KIAA2012: variants seen among roughly 807,000 people sequenced by gnomAD.
The protein encoded by KIAA2012 is uncharacterized protein KIAA2012.
Under a neutral mutation model 150.6 loss-of-function variants are expected in KIAA2012, and 125 were observed. The ratio of observed to expected loss-of-function variants is 0.83; its 90% CI spans 0.72 to 0.96. The LOEUF (loss-of-function observed/expected upper bound fraction) is 0.96, where lower values mean the gene tolerates loss of function less well. Ranked by LOEUF, KIAA2012 falls within the 40% of genes least tolerant of loss-of-function variation. The probability of loss-of-function intolerance (pLI) is 0.00; values close to 1 mark genes in which losing one functional copy is unlikely to be tolerated. For missense variants in KIAA2012, 1,219 were observed against 1,354.9 expected, an observed-to-expected ratio of 0.90 and a Z score of 1.57; for synonymous variants, 462 against 504.7, an observed-to-expected ratio of 0.92 and a Z score of 1.13.
Position 202,093,128 on chromosome 2 carries a change from C to A in KIAA2012, c.628C>A (p.His210Asn), listed in dbSNP as rs1244758602. 2 of 1,550,984 alleles carry A rather than the reference C, an allele frequency of 1.3e-6. No homozygotes were observed. The highest frequency in any genetic ancestry group is 2.7e-5 in the African/African-American group (2 of 73,046). The change falls in exon 4 of 24, where the codon CAT becomes AAT. Residue 210 changes from histidine to asparagine, a missense_variant. His to Asn is a moderately conservative substitution (Grantham distance 68, BLOSUM62 1). Coordinates refer to ENST00000498697, the MANE Select transcript of KIAA2012 (RefSeq NM_001277372.4). ...QDLSGVPPKY[H>N]LLPVFPSFWI... ...TCTTTCAGGTGTACCCCCAAAATAC[C>A]ATCTCCTGCCTGTCTTCCCTTCATT...
rs561093569 is a variant in KIAA2012, at chr2:202,190,343, C to T, written c.2661C>T (p.Asp887=). 1.3e-6 allele frequency: 2 copies of T among 1,550,542 alleles called. No homozygotes were observed. The highest frequency in any genetic ancestry group is 1.7e-6 in the Non-Finnish European group (2 of 1,147,022). The change falls in exon 19 of 24, where the codon GAC becomes GAT. Residue 887 remains aspartate (D), a synonymous_variant. Transcript: ENST00000498697. ...DTSNRGSFAS[D]SFVEDPWLSP... ...CAAATAGAGGTTCCTTTGCCTCAGA[C>T]TCCTTTGTAGAGGACCCTTGGCTTT...
Position 202,104,245 on chromosome 2 carries a change from G to C in KIAA2012, c.1324+1131G>C, listed in dbSNP as rs1296290486. Among the ~76,000 whole-genome samples, 1 of 152,054 alleles carries C rather than the reference G, an allele frequency of 6.6e-6. No homozygotes were observed. Among genetic ancestry groups the C allele is most frequent in the African/African-American group, 2.4e-5 (1 of 41,388 alleles). On this transcript the variant is annotated intron_variant, in intron 8 of 23. Transcript: ENST00000498697. This position sits in a 1 kb window ranked among gnomAD's most constrained non-coding sequence, Gnocchi z 4.3. The stretch of plus-strand genomic sequence containing the variant: ...AGATCTGTGCGATTCACTCTATGTA[G>C]ATTTTACCTTGCCAAAAAAAATTAC...
chr2:202,074,010 G>A (rs955483439), intron 1 of KIAA2012, among the ~76,000 whole-genome samples: 5 of 151,930 alleles, frequency 3.3e-5, no homozygotes, highest in Non-Finnish European at 7.4e-5. Context: ...ATTTCCACCT[G>A]GGTTCTAGGC....
intron 17 of KIAA2012, among the ~76,000 whole-genome samples, chr2:202,187,356 G>C (rs1692249229): frequency 6.6e-6 from 1 of 152,026 alleles, no homozygotes; most frequent in South Asian, 2.1e-4. Flanking sequence ...CCAGGCTGGA[G>C]TGCAGTGGCG....
chr2:202,128,463 G>A (rs1690849673), intron 12 of KIAA2012, among the ~76,000 whole-genome samples: 1 of 151,224 alleles, frequency 6.6e-6, no homozygotes, highest in Admixed American at 6.6e-5. Flanking sequence ...GTAGAGATGG[G>A]GTTTCACCAT....
At chr2:202,119,259 G>A (rs959613866) in intron 11 of KIAA2012, among the ~76,000 whole-genome samples, 3 of 135,246 alleles carry the variant, frequency 2.2e-5, no homozygotes, top group African/African-American at 5.7e-5. Flanking sequence ...GCAACAGAGC[G>A]AGACTCCGTC....
chr2:202,133,128 A>ATT (rs1202818706), intron 12 of KIAA2012, among the ~76,000 whole-genome samples: 992 of 76,614 alleles, frequency 0.013, 69 homozygotes, highest in African/African-American at 0.051. Context: ...ATATATATAT[A>ATT]TATTTTTTTT....
At chr2:202,183,571 T>C (rs1430408382) in intron 15 of KIAA2012, among the ~76,000 whole-genome samples, 1 of 149,030 alleles carries the variant, frequency 6.7e-6, no homozygotes, top group African/African-American at 2.5e-5. Context: ...TGGTGCTATC[T>C]AAACTTACTG....
At chr2:202,100,481 G>A (rs751827829) in intron 7 of KIAA2012, 32 bp downstream of exon 7, 2 of 1,414,518 alleles carry the variant, frequency 1.4e-6, no homozygotes. Context: ...GTGCATACAG[G>A]AGAGAGAGAG....
intron 15 of KIAA2012, among the ~76,000 whole-genome samples, chr2:202,182,009 GACA>G (rs1434812952): frequency 6.6e-6 from 1 of 150,962 alleles, no homozygotes; most frequent in Non-Finnish European, 1.5e-5. Context: ...TTCATCCCCA[GACA>G]ACAACTGATG....
chr2:202,101,292 G>A (rs903815146), intron 7 of KIAA2012, among the ~76,000 whole-genome samples: 1 of 152,212 alleles, frequency 6.6e-6, no homozygotes, highest in African/African-American at 2.4e-5. Flanking sequence ...CAGTGAGGGA[G>A]GTTGTTTACA....
chr2:202,132,359 A>G (rs12611923), intron 12 of KIAA2012, among the ~76,000 whole-genome samples: 52,713 of 151,798 alleles, frequency 0.35, 9,413 homozygotes, highest in East Asian at 0.59. Context: ...TTGTTTGAGA[A>G]GAAGTGACCA....
At chr2:202,194,885 C>T (rs1692387246) in intron 21 of KIAA2012, among the ~76,000 whole-genome samples, 1 of 152,100 alleles carries the variant, frequency 6.6e-6, no homozygotes, top group South Asian at 2.1e-4. Context: ...TCTCCTGCCT[C>T]AGCCTTCCAA....
At chr2:202,204,341 T>A (rs897018201) in intron 23 of KIAA2012, among the ~76,000 whole-genome samples, 1 of 152,168 alleles carries the variant, frequency 6.6e-6, no homozygotes, top group African/African-American at 2.4e-5. Flanking sequence ...CCTTCCAAAG[T>A]GCTGGGGTTA....
At chr2:202,119,348 G>A (rs1490151121) in intron 11 of KIAA2012, among the ~76,000 whole-genome samples, 1 of 151,884 alleles carries the variant, frequency 6.6e-6, no homozygotes, top group African/African-American at 2.4e-5. Flanking sequence ...TCAATACAAA[G>A]TACTGAAGAA....
At chr2:202,160,069 CAGATG>C in intron 14 of KIAA2012, among the ~76,000 whole-genome samples, 1 of 152,224 alleles carries the variant, frequency 6.6e-6, no homozygotes, top group African/African-American at 2.4e-5. Flanking sequence ...CCCCACTGTG[CAGATG>C]AGGAAACCGA....
chr2:202,081,160 G>T (rs1689443669), intron 2 of KIAA2012, among the ~76,000 whole-genome samples: 1 of 152,194 alleles, frequency 6.6e-6, no homozygotes, highest in African/African-American at 2.4e-5. Flanking sequence ...ATGAATTCAT[G>T]TTGTAGCATG....
At chr2:202,183,424 A>G (rs1692160674) in intron 15 of KIAA2012, among the ~76,000 whole-genome samples, 1 of 151,020 alleles carries the variant, frequency 6.6e-6, no homozygotes, top group South Asian at 2.1e-4. Context: ...TGTCTCAAAA[A>G]AAAAAAAAAG....
chr2:202,132,780 A>ATG (rs1382843315), intron 12 of KIAA2012, among the ~76,000 whole-genome samples: 23 of 52,682 alleles, frequency 4.4e-4, no homozygotes, highest in African/African-American at 5.9e-4. Flanking sequence ...ATATACATAT[A>ATG]TATATGCGTA....
Sources: allele counts gnomAD v4.1 joint callset (sites outside exome capture counted in the v4.1 genomes callset), GRCh38; gene constraint gnomAD v4.1.1; non-coding constraint Gnocchi (gnomAD v3.1); transcripts MANE v1.5; gene names NCBI Gene and HGNC (gene_info 2026-07-23, HGNC 2026-07-21).